CCDC178: variants seen among roughly 807,000 people sequenced by gnomAD.
CCDC178 encodes coiled-coil domain-containing protein 178.
CCDC178 carries 126 observed loss-of-function variants against 117.4 expected under a neutral mutation model. The ratio of observed to expected loss-of-function variants is 1.07; its 90% CI spans 0.93 to 1.24. The LOEUF is 1.24. Ranked by LOEUF, CCDC178 falls within the 50% of genes most tolerant of loss-of-function variation. The probability of loss-of-function intolerance (pLI) is 0.00; values close to 1 mark genes in which losing one functional copy is unlikely to be tolerated. For synonymous variants in CCDC178, 283 were observed against 313.4 expected (o/e 0.90, Z 1.02); for missense variants, 1,030 against 986.9 (o/e 1.04, Z -0.59).
At chr18:33,393,765 T>C (rs1445728166) in intron 4 of CCDC178, among the ~76,000 whole-genome samples, 1 of 152,140 alleles carries the variant, frequency 6.6e-6, no homozygotes, top group African/African-American at 2.4e-5. Context: ...GTTTCCAGTT[T>C]TCACTGTTAT....
chr18:33,358,589 T>G (rs2063088633), intron 6 of CCDC178, among the ~76,000 whole-genome samples: 1 of 151,852 alleles, frequency 6.6e-6, no homozygotes, highest in Non-Finnish European at 1.5e-5. Context: ...TTTTCCTTAG[T>G]AAAATTAGCT....
Position 33,116,324 on chromosome 18 carries a change from A to T in CCDC178, c.2239-23414T>A, listed in dbSNP as rs573497487. Reference sequence around the variant, plus strand: ...GTTCCAAAGAGTAGTTGAAAAGTCTAAGGCAAAGATGTTCTAAATTAATCT... The same window carrying T: ...GTTCCAAAGAGTAGTTGAAAAGTCTTAGGCAAAGATGTTCTAAATTAATCT... On this transcript the variant is annotated intron_variant, in intron 20 of 22. Transcript: ENST00000383096. Among the ~76,000 whole-genome samples, 20 of 152,280 alleles carry T rather than the reference A, an allele frequency of 1.3e-4. No homozygotes were observed. In the East Asian group the frequency reaches 3.9e-3, roughly 30 times the overall value.
At chr18:33,230,233 A>G (rs1048522493) in intron 15 of CCDC178, among the ~76,000 whole-genome samples, 1 of 150,586 alleles carries the variant, frequency 6.6e-6, no homozygotes, top group African/African-American at 2.5e-5. Flanking sequence ...GTGGAACCAC[A>G]TTAACTCAGA....
At chr18:33,439,754 C>T (rs1319281983) in intron 2 of CCDC178, among the ~76,000 whole-genome samples, 2 of 152,156 alleles carry the variant, frequency 1.3e-5, no homozygotes, top group African/African-American at 2.4e-5. Flanking sequence ...GCAATCAATA[C>T]ACAACAGATT....
At chr18:33,290,830 C>A (rs2060157161) in intron 12 of CCDC178, among the ~76,000 whole-genome samples, 1 of 151,964 alleles carries the variant, frequency 6.6e-6, no homozygotes, top group Non-Finnish European at 1.5e-5. Context: ...ACAGAGATAG[C>A]ACTGATTATA....
intron 20 of CCDC178, among the ~76,000 whole-genome samples, chr18:33,159,059 T>A (rs1188664082): frequency 6.6e-6 from 1 of 152,078 alleles, no homozygotes; most frequent in Non-Finnish European, 1.5e-5. Flanking sequence ...AGAAAAATGT[T>A]CTTATGAATA....
intron 8 of CCDC178, among the ~76,000 whole-genome samples, chr18:33,347,327 T>C (rs929887386): frequency 6.6e-6 from 1 of 152,156 alleles, no homozygotes; most frequent in South Asian, 2.1e-4. Flanking sequence ...ATAAAGACAA[T>C]GATTTTCTGC....
intron 15 of CCDC178, among the ~76,000 whole-genome samples, chr18:33,242,558 C>CA (rs1485925563): frequency 2.7e-5 from 4 of 147,700 alleles, no homozygotes; most frequent in African/African-American, 1.0e-4. Context: ...ATCTCAACAG[C>CA]AAAAAAACAA....
chr18:33,306,470 A>G (rs2062252541), intron 11 of CCDC178, among the ~76,000 whole-genome samples: 1 of 143,374 alleles, frequency 7.0e-6, no homozygotes, highest in South Asian at 2.2e-4. Context: ...ATATATATAT[A>G]TGGTTATATA....
At chr18:33,023,494 G>C (rs1030143398) in intron 21 of CCDC178, among the ~76,000 whole-genome samples, 1 of 152,144 alleles carries the variant, frequency 6.6e-6, no homozygotes, top group African/African-American at 2.4e-5. Context: ...GAAGTCTCAA[G>C]GGGAGTTTAA....
At chr18:32,938,210 C>T in intron 22 of CCDC178, 119 bp from the exon 23 acceptor site, 1 of 688,314 alleles carries the variant, frequency 1.5e-6, no homozygotes, top group Non-Finnish European at 2.6e-6. Context: ...CGACAAACAC[C>T]ATTACATTCT....
chr18:33,377,930 T>C (rs1369822523), intron 5 of CCDC178, among the ~76,000 whole-genome samples: 1 of 152,214 alleles, frequency 6.6e-6, no homozygotes, highest in African/African-American at 2.4e-5. Flanking sequence ...GTTTCAGTTC[T>C]TCTTTGGTTC....
chr18:33,045,901 T>TA (rs542761216), intron 21 of CCDC178, among the ~76,000 whole-genome samples: 94 of 151,410 alleles, frequency 6.2e-4, no homozygotes, highest in Middle Eastern at 3.4e-3. Flanking sequence ...ACCCTGTCTC[T>TA]AAAAAAAACA....
At chr18:33,176,581 C>G (rs1288384772) in intron 20 of CCDC178, among the ~76,000 whole-genome samples, 1 of 152,086 alleles carries the variant, frequency 6.6e-6, no homozygotes, top group Admixed American at 6.5e-5. Context: ...AGACAAATAT[C>G]TTCACTTATC....
chr18:33,016,745 C>T (rs1242096713), intron 21 of CCDC178, among the ~76,000 whole-genome samples: 1 of 151,666 alleles, frequency 6.6e-6, no homozygotes, highest in Non-Finnish European at 1.5e-5. Context: ...TAACCACTAA[C>T]AAATTAACTC....
intron 21 of CCDC178, among the ~76,000 whole-genome samples, chr18:33,086,975 C>T (rs1234223333): frequency 3.6e-5 from 4 of 111,756 alleles, no homozygotes; most frequent in African/African-American, 1.6e-4. Flanking sequence ...GGTTGACACA[C>T]ACACACACAC....
chr18:33,087,254 T>A (rs978167309), intron 21 of CCDC178, among the ~76,000 whole-genome samples: 6 of 152,184 alleles, frequency 3.9e-5, no homozygotes, highest in Admixed American at 2.0e-4. Flanking sequence ...ATAATTGGTT[T>A]GATTTAAGCC....
At chr18:33,356,829 A>G (rs1004758254) in intron 6 of CCDC178, among the ~76,000 whole-genome samples, 1 of 152,148 alleles carries the variant, frequency 6.6e-6, no homozygotes, top group African/African-American at 2.4e-5. Flanking sequence ...ATTCAGAAAC[A>G]GTCCTGCAAA....
rs544323642 is a variant in CCDC178 at position 33,070,360 on chromosome 18, C to T, written c.2388+22401G>A. Among the ~76,000 whole-genome samples the T allele has an allele frequency of 9.9e-4, 150 of 152,170 alleles. 1 individual carries two copies. The highest frequency in any genetic ancestry group is 1.8e-3 in the Admixed American group (27 of 15,270). The stretch of plus-strand genomic sequence containing the variant: ...ATTCAGCCATAAAAAAATCTTGACA[C>T]TTTCAGCCACATGAATGAAACCGGA... On this transcript the variant is annotated intron_variant, in intron 21 of 22. Coordinates refer to ENST00000383096, the MANE Select transcript of CCDC178 (RefSeq NM_001105528.4).
Sources: gnomAD v4.1 joint callset for allele counts (sites outside exome capture counted in the v4.1 genomes callset) on GRCh38, gnomAD v4.1.1 for gene constraint, MANE v1.5 for transcripts, NCBI Gene and HGNC (gene_info 2026-07-23, HGNC 2026-07-21) for gene names.